Variants in ALK observed in about 807,000 individuals in gnomAD.
The protein encoded by ALK is ALK tyrosine kinase receptor.
A neutral mutation model predicts 163.1 loss-of-function variants in ALK; 74 were observed. That is an observed-to-expected ratio of 0.45 (90% confidence interval 0.38 to 0.55). ALK has a LOEUF of 0.55. Among genes scored for constraint, ALK ranks in the 20% least tolerant of loss-of-function variants. The pLI, the probability that ALK is intolerant of heterozygous loss-of-function variation, is 0.00. For synonymous variants in ALK, 960 were observed against 843.2 expected (o/e 1.14, Z -2.40); for missense variants, 2,063 against 2,105.3 (o/e 0.98, Z 0.39).
chr2:29,697,442 G>T (rs1360011894), intron 2 of ALK, among the ~76,000 whole-genome samples: 1 of 152,120 alleles, frequency 6.6e-6, no homozygotes, highest in Non-Finnish European at 1.5e-5. Context: ...TTCCACGTTT[G>T]CCCCACTTTT....
intron 1 of ALK, among the ~76,000 whole-genome samples, chr2:29,843,991 C>T (rs544544336): frequency 4.3e-4 from 65 of 152,204 alleles, no homozygotes; most frequent in South Asian, 2.1e-3. Flanking sequence ...GTGACATACG[C>T]TTTTGAAAGA....
At chr2:29,413,341 A>G (rs1307266112) in intron 4 of ALK, among the ~76,000 whole-genome samples, 3 of 151,776 alleles carry the variant, frequency 2.0e-5, no homozygotes, top group Non-Finnish European at 4.4e-5. Flanking sequence ...TAGTAAACAC[A>G]TACTTGTTAT....
chr2:29,376,996 C>T (rs995233133), intron 5 of ALK, among the ~76,000 whole-genome samples: 2 of 152,220 alleles, frequency 1.3e-5, no homozygotes, highest in African/African-American at 4.8e-5. Context: ...AGCTACATAT[C>T]CAGCACCTCA....
intron 2 of ALK, among the ~76,000 whole-genome samples, chr2:29,699,958 G>A (rs1678683767): frequency 1.3e-5 from 2 of 152,214 alleles, no homozygotes; most frequent in South Asian, 4.1e-4. Context: ...CAGAGCAGCT[G>A]AGACCCCAGC....
At chr2:29,764,071 C>A (rs528866293) in intron 1 of ALK, among the ~76,000 whole-genome samples, 1 of 152,184 alleles carries the variant, frequency 6.6e-6, no homozygotes, top group Admixed American at 6.5e-5. Context: ...TCACCCAGAA[C>A]CAGAATCCAG....
At chr2:29,695,047 C>T (rs771586712) in intron 2 of ALK, 33 bp from the exon 3 acceptor site, 4 of 1,613,712 alleles carry the variant, frequency 2.5e-6, no homozygotes, top group African/African-American at 1.3e-5. Flanking sequence ...ATGGAAAAAA[C>T]CATTTCCCAA....
chr2:29,223,623 A>G (rs896569717), intron 19 of ALK, 95 bp from the exon 20 acceptor site: 24 of 1,196,580 alleles, frequency 2.0e-5, no homozygotes, highest in Admixed American at 3.9e-5. Context: ...CTGGATCTCC[A>G]TATCCTCCCC....
At chr2:29,518,278 CAATT>C (rs1672724026) in intron 4 of ALK, among the ~76,000 whole-genome samples, 1 of 152,096 alleles carries the variant, frequency 6.6e-6, no homozygotes, top group East Asian at 1.9e-4. Flanking sequence ...ATGTCTCTGG[CAATT>C]AGGGGAACAA....
rs755843358 is a variant in ALK at position 29,197,579 on chromosome 2, C to G, written c.4036G>C (p.Gly1346Arg). ...CAGTTCTTGGGTGGGTCCATCCGGC[C>G]TCCACTGGTGACAAACTCCAGAACT... ...QEVLEFVTSG[G>R]RMDPPKNCPG... Residue 1346 changes from glycine to arginine, a missense_variant, in exon 27 of 29, where the codon GGC becomes CGC. Coordinates refer to ENST00000389048, the MANE Select transcript of ALK (RefSeq NM_004304.5). The G allele has an allele frequency of 6.2e-7, 1 of 1,613,818 alleles. No individual in the cohort carries two copies. The highest frequency in any genetic ancestry group is 1.1e-5 in the South Asian group (1 of 91,042).
intron 8 of ALK, among the ~76,000 whole-genome samples, chr2:29,298,466 C>T (rs1246732536): frequency 1.3e-5 from 2 of 152,212 alleles, no homozygotes; most frequent in African/African-American, 4.8e-5. Context: ...GATGCTTTCT[C>T]CTTTTGCTCC....
In ALK at chr2:29,747,550, TG is replaced by T. The variant is rs1573603461; in HGVS notation, c.668-29854del. On this transcript the variant is annotated intron_variant, in intron 1 of 28. Transcript: ENST00000389048. ...CTCTGTCTCCCTTCCCACCCCATCC[TG>T]GGAGACAGGTAGAAGCATCAGTTTA... Among the ~76,000 whole-genome samples the T allele has an allele frequency of 3.3e-5, 5 of 152,204 alleles. 1 individual carries two copies. Among genetic ancestry groups the T allele is most frequent in the Admixed American group, 3.3e-4 (5 of 15,282 alleles).
At chr2:29,421,859 A>G (rs1670024417) in intron 4 of ALK, among the ~76,000 whole-genome samples, 1 of 151,678 alleles carries the variant, frequency 6.6e-6, no homozygotes, top group Admixed American at 6.6e-5. Context: ...CCCATTCTGC[A>G]AATCGGAAAC....
intron 1 of ALK, among the ~76,000 whole-genome samples, chr2:29,853,346 C>T (rs377505302): frequency 2.6e-5 from 4 of 152,306 alleles, no homozygotes; most frequent in East Asian, 3.9e-4. Flanking sequence ...TAAATGACAC[C>T]TTGATTTTTC....
intron 1 of ALK, among the ~76,000 whole-genome samples, chr2:29,811,175 C>T (rs35768157): frequency 0.46 from 70,088 of 151,768 alleles, 17,552 homozygotes; most frequent in South Asian, 0.57. Context: ...GTGCTGAGGT[C>T]GAAGGCCAGG....
chr2:29,207,358 C>A (rs2148152491), intron 25 of ALK, 86 bp from the exon 26 acceptor site: 1 of 1,012,916 alleles, frequency 9.9e-7, no homozygotes, highest in African/African-American at 1.6e-5. Flanking sequence ...AAAGTGGCAA[C>A]AATATAGTCT....
At chr2:29,715,258 T>C (rs899864055) in intron 2 of ALK, among the ~76,000 whole-genome samples, 1 of 152,174 alleles carries the variant, frequency 6.6e-6, no homozygotes, top group African/African-American at 2.4e-5. Context: ...TCCCCATAAA[T>C]CAATAGCAAC....
intron 3 of ALK, among the ~76,000 whole-genome samples, chr2:29,537,346 T>G (rs1019222357): frequency 6.6e-6 from 1 of 152,218 alleles, no homozygotes; most frequent in African/African-American, 2.4e-5. Flanking sequence ...CTCAGCCTCA[T>G]GACACTGCTC....
intron 24 of ALK, among the ~76,000 whole-genome samples, chr2:29,210,470 T>C: frequency 6.6e-6 from 1 of 152,210 alleles, no homozygotes; most frequent in Admixed American, 6.5e-5. Flanking sequence ...TCTTGCTCTG[T>C]TACCCAGGCT....
intron 5 of ALK, among the ~76,000 whole-genome samples, chr2:29,364,649 T>A (rs1163461991): frequency 6.6e-6 from 1 of 152,146 alleles, no homozygotes; most frequent in Non-Finnish European, 1.5e-5. Flanking sequence ...CTCCAGACAG[T>A]GGTCAGGAGG....
Sources: allele counts gnomAD v4.1 joint callset (sites outside exome capture counted in the v4.1 genomes callset), GRCh38; gene constraint gnomAD v4.1.1; transcripts MANE v1.5; gene names NCBI Gene and HGNC (gene_info 2026-07-23, HGNC 2026-07-21).